The following VWA8 variants were observed in gnomAD, a reference collection of about 807,000 sequenced individuals.
VWA8 encodes the protein von Willebrand factor A domain containing 8, also known as von Willebrand factor A domain-containing protein 8.
A neutral mutation model predicts 241.5 loss-of-function variants in VWA8; 221 were observed. The ratio of observed to expected loss-of-function variants is 0.91; its 90% confidence interval spans 0.82 to 1.02. The LOEUF (loss-of-function observed/expected upper bound fraction) is 1.02. Among genes scored for constraint, VWA8 ranks in the 50% least tolerant of loss-of-function variants. VWA8 has a pLI of 0.00. For missense variants in VWA8, 2,322 were observed against 2,328.7 expected (o/e 1.00, Z 0.06); for synonymous variants, 852 against 827.1 (o/e 1.03, Z -0.52).
chr13:41,799,940 T>C (rs1301239515), intron 17 of VWA8, among the ~76,000 whole-genome samples: 5 of 152,188 alleles, frequency 3.3e-5, no homozygotes, highest in African/African-American at 9.6e-5. Flanking sequence ...CCTCCCTTTC[T>C]ACCCCCAAGT....
chr13:41,899,748 C>T (rs79592439), intron 4 of VWA8, among the ~76,000 whole-genome samples: 2,732 of 152,144 alleles, frequency 0.018, 89 homozygotes, highest in African/African-American at 0.061. Flanking sequence ...ATGGCAAGTC[C>T]ATTAAGTAAT....
rs774368910 is a variant in VWA8 at position 41,611,621 on chromosome 13, A to C, written c.4832T>G (p.Val1611Gly). The C allele has an allele frequency of 6.2e-7, 1 of 1,613,750 alleles. No individual in the cohort carries two copies. Among genetic ancestry groups the C allele is most frequent in the African/African-American group, 1.3e-5 (1 of 74,840 alleles). The part of the protein sequence containing the change: ...QAEKDAVPEE[V>G]KRAAREMGQR... ...GCCCATCTCTCTAGCAGCTCTCTTG[A>C]CCTCTTCGGGAACTGCATCTTTCTC... Residue 1611 changes from valine (V) to glycine (G), a missense_variant, in exon 39 of 45, where the codon GTC becomes GGC. Physicochemically the swap from Val to Gly is moderately radical, Grantham distance 109 (BLOSUM62 -3). Transcript: ENST00000379310.
At position 41,719,293 on chromosome 13, in the gene VWA8, G is replaced by A. The variant is rs945130504; in HGVS notation, c.3116+298C>T. ...TACAATGATGTGCACTGGATTATAC[G>A]AAATAGTAATACGCATAGTAATTCA... On this transcript the variant is annotated intron_variant, in intron 26 of 44. Transcript: ENST00000379310. 4.4e-5 allele frequency: 49 copies of A among 1,103,456 alleles called. No individual in the cohort carries two copies. The Middle Eastern group carries it at 1.1e-3, about 25-fold the overall frequency. The allele number at this position is 1,103,456 out of a possible 1,614,324, so 68.4% of individuals were successfully genotyped here.
intron 40 of VWA8, among the ~76,000 whole-genome samples, chr13:41,594,195 A>C (rs1375266280): frequency 6.6e-6 from 1 of 150,916 alleles, no homozygotes; most frequent in Non-Finnish European, 1.5e-5. Flanking sequence ...AGCTCACTGC[A>C]CCCTTGAACT....
At chr13:41,583,891 T>C (rs745328202) in intron 42 of VWA8, among the ~76,000 whole-genome samples, 5 of 152,164 alleles carry the variant, frequency 3.3e-5, no homozygotes, top group Non-Finnish European at 7.3e-5. Context: ...GAGTTGGATA[T>C]TATAAGACAG....
intron 37 of VWA8, among the ~76,000 whole-genome samples, chr13:41,623,548 T>A (rs2044670843): frequency 6.6e-6 from 1 of 152,196 alleles, no homozygotes; most frequent in African/African-American, 2.4e-5. Flanking sequence ...TAACGAGACA[T>A]GCTTTGAATT....
intron 35 of VWA8, among the ~76,000 whole-genome samples, chr13:41,681,765 TGA>T (rs1409931145): frequency 6.6e-6 from 1 of 152,240 alleles, no homozygotes; most frequent in African/African-American, 2.4e-5. Context: ...GGAAGTGTTA[TGA>T]GAGAGTATGA....
In VWA8 at chr13:41,865,921, A is replaced by C. The variant is rs746575842; in HGVS notation, c.1328T>G (p.Ile443Arg). The C allele has an allele frequency of 6.2e-7, 1 of 1,614,220 alleles. No homozygotes were observed. Among genetic ancestry groups the C allele is most frequent in the Non-Finnish European group, 8.5e-7 (1 of 1,180,036 alleles). ...TCTTACCTTTCCTCCAATTAAACAT[A>C]TATCTTTAACCATGTGAGACTGCAT... is the stretch of plus-strand genomic sequence containing the variant. ...EMMQSHMVKD[I>R]CLIGGKGCGK... Residue 443 changes from isoleucine (I) to arginine (R), a missense_variant, in exon 11 of 45, where the codon ATA becomes AGA. Transcript: ENST00000379310.
At chr13:41,898,644 G>A (rs928607369) in intron 4 of VWA8, among the ~76,000 whole-genome samples, 14 of 152,222 alleles carry the variant, frequency 9.2e-5, no homozygotes, top group African/African-American at 1.7e-4. Context: ...GCATTCGTCC[G>A]GGAGGCTCGG....
At chr13:41,711,490 A>G (rs1004662720) in intron 26 of VWA8, among the ~76,000 whole-genome samples, 10 of 152,212 alleles carry the variant, frequency 6.6e-5, no homozygotes, top group Non-Finnish European at 1.2e-4. Flanking sequence ...GTACACAGGT[A>G]ATGCACAGGG....
chr13:41,891,737 T>A, intron 4 of VWA8, 150 bp from the exon 5 acceptor site: 1 of 820,480 alleles, frequency 1.2e-6, no homozygotes, highest in Non-Finnish European at 1.9e-6. Flanking sequence ...TTGCTTTTTC[T>A]GCCTATATGA....
chr13:41,938,410 T>C (rs921122107), intron 2 of VWA8, among the ~76,000 whole-genome samples: 2 of 151,998 alleles, frequency 1.3e-5, no homozygotes, highest in African/African-American at 4.8e-5. Context: ...CCCAACACTT[T>C]GGGAGGCCAA....
intron 37 of VWA8, among the ~76,000 whole-genome samples, chr13:41,622,617 T>C (rs994867499): frequency 6.6e-6 from 1 of 152,250 alleles, no homozygotes; most frequent in East Asian, 1.9e-4. Context: ...AAGTGTGCTA[T>C]AATCGTAAGA....
intron 14 of VWA8, among the ~76,000 whole-genome samples, chr13:41,824,122 C>T (rs1871079792): frequency 6.6e-6 from 1 of 152,176 alleles, no homozygotes; most frequent in African/African-American, 2.4e-5. Context: ...AGCAAAGAAG[C>T]TCTTAAATCT....
At chr13:41,570,373 A>T in intron 44 of VWA8, 95 bp downstream of exon 44, 1 of 1,119,854 alleles carries the variant, frequency 8.9e-7, no homozygotes, top group Non-Finnish European at 1.3e-6. Context: ...CATCTGCCTC[A>T]CTGTCCCTCA....
At chr13:41,743,050 G>C (rs976939482) in intron 21 of VWA8, among the ~76,000 whole-genome samples, 1 of 152,206 alleles carries the variant, frequency 6.6e-6, no homozygotes, top group Non-Finnish European at 1.5e-5. Context: ...GAGCTGCACA[G>C]AACAAGTTGG....
chr13:41,870,674 A>T (rs1265378797), intron 9 of VWA8, among the ~76,000 whole-genome samples: 1 of 151,810 alleles, frequency 6.6e-6, no homozygotes, highest in Non-Finnish European at 1.5e-5. Flanking sequence ...TAGAACGAAG[A>T]TTCATTAAAT....
intron 4 of VWA8, among the ~76,000 whole-genome samples, chr13:41,906,457 T>C (rs1485785278): frequency 6.6e-6 from 1 of 152,182 alleles, no homozygotes; most frequent in African/African-American, 2.4e-5. Context: ...GATCACAGTA[T>C]ACATACTGTC....
At chr13:41,750,219 G>C (rs1301100571) in intron 21 of VWA8, among the ~76,000 whole-genome samples, 2 of 152,024 alleles carry the variant, frequency 1.3e-5, no homozygotes, top group East Asian at 3.9e-4. Flanking sequence ...CAGATCACAA[G>C]GTCAAGAGAT....
Sources: gnomAD v4.1 joint callset for allele counts (sites outside exome capture counted in the v4.1 genomes callset) on GRCh38, gnomAD v4.1.1 for gene constraint, MANE v1.5 for transcripts, NCBI Gene and HGNC (gene_info 2026-07-23, HGNC 2026-07-21) for gene names.